Variants in SLC30A9 observed in about 807,000 individuals in gnomAD.
SLC30A9 encodes the protein solute carrier family 30 member 9, also known as proton-coupled zinc antiporter SLC30A9, mitochondrial.
In SLC30A9, 58 loss-of-function variants were observed where a neutral mutation model predicts 87.5. The ratio of observed to expected loss-of-function variants is 0.66; its 90% confidence interval spans 0.54 to 0.82. The LOEUF is 0.82. Ranked by LOEUF, SLC30A9 falls within the 40% of genes least tolerant of loss-of-function variation. The pLI, the probability that SLC30A9 is intolerant of heterozygous loss-of-function variation, is 0.00. For synonymous variants in SLC30A9, 234 were observed against 233.0 expected (o/e 1.00, Z -0.04); for missense variants, 557 against 679.1 (o/e 0.82, Z 2.00).
intron 6 of SLC30A9, among the ~76,000 whole-genome samples, chr4:42,034,606 C>G (rs1437245438): frequency 2.0e-5 from 3 of 152,122 alleles, no homozygotes; most frequent in African/African-American, 7.2e-5. Context: ...ACAGGATTTC[C>G]TTTTTCAAGG....
At chr4:42,050,032 T>C (rs1181500463) in intron 9 of SLC30A9, among the ~76,000 whole-genome samples, 2 of 152,156 alleles carry the variant, frequency 1.3e-5, no homozygotes, top group African/African-American at 4.8e-5. Context: ...AGGATACCTT[T>C]TCAATATTTA....
At chr4:42,018,442 G>A in intron 3 of SLC30A9, 1 of 1,272,364 alleles carries the variant, frequency 7.9e-7, no homozygotes, top group South Asian at 1.4e-5. Context: ...ATCATTTTTA[G>A]AAGAGTAAGG....
At chr4:42,085,928 T>C (rs1348459331) in intron 17 of SLC30A9, among the ~76,000 whole-genome samples, 154 bp from the exon 18 acceptor site, 12 of 151,350 alleles carry the variant, frequency 7.9e-5, no homozygotes, top group Non-Finnish European at 1.2e-4. Context: ...TACCTATTGA[T>C]CTTACTTTTT....
intron 2 of SLC30A9, among the ~76,000 whole-genome samples, chr4:42,014,721 G>A (rs1400812557): frequency 6.6e-6 from 1 of 152,184 alleles, no homozygotes; most frequent in Middle Eastern, 3.2e-3. Context: ...TATTATTTAA[G>A]CATAAAAAAG....
intron 12 of SLC30A9, 94 bp downstream of exon 12, chr4:42,065,443 G>A: frequency 1.3e-6 from 1 of 760,550 alleles, no homozygotes; most frequent in Non-Finnish European, 2.3e-6. Context: ...GTTGATTAAA[G>A]AAAAGCAAGT....
At chr4:42,025,884 A>C (rs1252762404) in intron 6 of SLC30A9, among the ~76,000 whole-genome samples, 1 of 151,702 alleles carries the variant, frequency 6.6e-6, no homozygotes, top group Non-Finnish European at 1.5e-5. Context: ...CGATCTCCTG[A>C]CCTCGTCATC....
intron 14 of SLC30A9, among the ~76,000 whole-genome samples, chr4:42,067,564 A>G (rs970157971): frequency 6.6e-6 from 1 of 152,230 alleles, no homozygotes; most frequent in Admixed American, 6.5e-5. Context: ...AGTTTTAATA[A>G]ACTCTAAAGT....
chr4:42,015,775 A>G (rs751773392), intron 2 of SLC30A9, among the ~76,000 whole-genome samples: 24 of 151,820 alleles, frequency 1.6e-4, no homozygotes, highest in Non-Finnish European at 3.1e-4. Flanking sequence ...TATTGTGTCC[A>G]TTCCCATTCT....
At chr4:42,043,294 A>G (rs963231193) in intron 8 of SLC30A9, among the ~76,000 whole-genome samples, 1 of 152,154 alleles carries the variant, frequency 6.6e-6, no homozygotes, top group African/African-American at 2.4e-5. Flanking sequence ...GCATGTTCCA[A>G]CCCAACGCAA....
chr4:42,084,006 C>G (rs10805099), intron 17 of SLC30A9, among the ~76,000 whole-genome samples: 99,292 of 152,062 alleles, frequency 0.65, 36,918 homozygotes, highest in East Asian at 0.96. Flanking sequence ...AATATTCTGC[C>G]AGATTTTGTT....
At chr4:42,037,715 C>G (rs977121778) in intron 7 of SLC30A9, among the ~76,000 whole-genome samples, 1 of 152,178 alleles carries the variant, frequency 6.6e-6, no homozygotes, top group African/African-American at 2.4e-5. Flanking sequence ...TCATTAATTT[C>G]TAACATTTTG....
chr4:42,015,228 C>G (rs113385258), intron 2 of SLC30A9, among the ~76,000 whole-genome samples: 4,810 of 151,618 alleles, frequency 0.032, 119 homozygotes, highest in African/African-American at 0.062. Context: ...AAACAAAAAC[C>G]CAAAAAATAA....
intron 9 of SLC30A9, among the ~76,000 whole-genome samples, chr4:42,051,781 C>T (rs1717392870): frequency 1.3e-5 from 2 of 151,902 alleles, no homozygotes; most frequent in Non-Finnish European, 2.9e-5. Flanking sequence ...TTCTGTCAAG[C>T]ATTTAGGGAA....
intron 2 of SLC30A9, among the ~76,000 whole-genome samples, chr4:42,015,924 C>T (rs1204272774): frequency 6.6e-6 from 1 of 151,880 alleles, no homozygotes; most frequent in Non-Finnish European, 1.5e-5. Flanking sequence ...ACAGGCAATA[C>T]AGGAAGGTGG....
chr4:42,079,469 T>G (rs1016931319), intron 17 of SLC30A9, among the ~76,000 whole-genome samples: 6 of 151,988 alleles, frequency 3.9e-5, no homozygotes, highest in Non-Finnish European at 8.8e-5. Context: ...AATTTTTGTA[T>G]TTTTAGCAGA....
intron 8 of SLC30A9, among the ~76,000 whole-genome samples, chr4:42,044,386 C>CAAAAAAAAAAAAA (rs57572080): frequency 3.0e-5 from 3 of 98,732 alleles, no homozygotes; most frequent in Admixed American, 1.0e-4. Flanking sequence ...AAATGGAAAG[C>CAAAAAAAAAAAAA]AAAAAAAAAA....
Position 42,089,355 on chromosome 4 carries a change from T to C in SLC30A9, c.*3229T>C, listed in dbSNP as rs1719025664. 1 of 152,186 alleles carries C rather than the reference T, an allele frequency of 6.6e-6. No individual in the cohort carries two copies. The highest frequency in any genetic ancestry group is 1.5e-5 in the Non-Finnish European group (1 of 68,032). The allele number at this position is 152,186 out of a possible 1,614,324, so 9.4% of individuals were successfully genotyped here. A position where few individuals can be genotyped will look rare whatever the true frequency, so the allele number is the denominator to read the frequency against. On this transcript the variant is annotated 3_prime_UTR_variant, in exon 18 of 18. Coordinates refer to ENST00000264451, the MANE Select transcript of SLC30A9 (RefSeq NM_006345.4). ...ATCTCTAATTCACTGTAAGTAGCAG[T>C]CCCCAAACTATATAAGGTGGCACAG... is the stretch of plus-strand genomic sequence containing the variant.
chr4:42,049,946 C>A (rs1319524919), intron 9 of SLC30A9, among the ~76,000 whole-genome samples: 1 of 151,984 alleles, frequency 6.6e-6, no homozygotes. Context: ...ACTAGAAACC[C>A]AAAACTTTTC....
intron 1 of SLC30A9, among the ~76,000 whole-genome samples, chr4:41,992,855 A>G (rs1714512953): frequency 6.6e-6 from 1 of 152,302 alleles, no homozygotes. Flanking sequence ...TGAGAAGACT[A>G]TTTGAAGAAC....
Sources: allele counts gnomAD v4.1 joint callset (sites outside exome capture counted in the v4.1 genomes callset), GRCh38; gene constraint gnomAD v4.1.1; transcripts MANE v1.5; gene names NCBI Gene and HGNC (gene_info 2026-07-23, HGNC 2026-07-21).